Variants in PCM1 observed in about 807,000 individuals in gnomAD.
The protein encoded by PCM1 is pericentriolar material 1 protein.
PCM1 carries 157 observed loss-of-function variants against 241.9 expected under a neutral mutation model. That is an observed-to-expected ratio of 0.65 (90% CI 0.57 to 0.74). The LOEUF (loss-of-function observed/expected upper bound fraction) is 0.74, where lower values mean the gene tolerates loss of function less well. Among genes scored for constraint, PCM1 ranks in the 30% least tolerant of loss-of-function variants. The pLI, the probability that PCM1 is intolerant of heterozygous loss-of-function variation, is 0.00. For missense variants in PCM1, 3,478 were observed against 2,360.1 expected, an observed-to-expected ratio of 1.47 and a Z score of -9.81; for synonymous variants, 1,085 against 784.9, an observed-to-expected ratio of 1.38 and a Z score of -6.39.
intron 21 of PCM1, among the ~76,000 whole-genome samples, chr8:17,968,732 G>GTA (rs1168790649): frequency 1.4e-3 from 135 of 97,056 alleles, no homozygotes; most frequent in African/African-American, 4.7e-3. Context: ...ATGTATATAT[G>GTA]TGTGTGTGTG....
intron 34 of PCM1, among the ~76,000 whole-genome samples, chr8:18,013,168 T>C (rs1053431307): frequency 6.6e-6 from 1 of 152,100 alleles, no homozygotes; most frequent in Non-Finnish European, 1.5e-5. Flanking sequence ...CTGCCTGGAG[T>C]GTATGAGCTT....
intron 2 of PCM1, among the ~76,000 whole-genome samples, chr8:17,931,128 C>T (rs1181276764): frequency 6.6e-6 from 1 of 152,026 alleles, no homozygotes; most frequent in African/African-American, 2.4e-5. Flanking sequence ...ATCTGTTTTT[C>T]CCAAACTAAT....
chr8:17,924,059 G>C (rs961651897), intron 1 of PCM1, among the ~76,000 whole-genome samples: 1 of 151,828 alleles, frequency 6.6e-6, no homozygotes, highest in Non-Finnish European at 1.5e-5. Flanking sequence ...GTGACGGTTC[G>C]TGTTTGGGCG....
At position 17,991,046 on chromosome 8, in the gene PCM1, A is replaced by T. The variant is rs971374073; in HGVS notation, c.4532-496A>T. 1.2e-3 allele frequency among the ~76,000 whole-genome samples: 180 copies of T among 144,806 alleles called. 4 individuals carry two copies. In the East Asian group the frequency reaches 0.028, roughly 22 times the overall value. 95.0% of individuals were successfully genotyped at this position (144,806 alleles called of 152,430 possible). ...TACGTATTTTCTTTCATTTACTGGT[A>T]TTTTTTTTTTTTTCTTACAAACCTG... On this transcript the variant is annotated intron_variant, in intron 27 of 38. Coordinates refer to ENST00000325083, the MANE Select transcript of PCM1 (RefSeq NM_006197.4).
intron 20 of PCM1, 74 bp from the exon 21 acceptor site, chr8:17,966,906 G>T: frequency 7.5e-7 from 1 of 1,329,522 alleles, no homozygotes; most frequent in South Asian, 1.4e-5. Context: ...TTTTTTACAT[G>T]TATTCTTCCT....
intron 8 of PCM1, among the ~76,000 whole-genome samples, chr8:17,951,612 A>G (rs1238357036): frequency 1.3e-5 from 2 of 152,334 alleles, no homozygotes; most frequent in Middle Eastern, 3.4e-3. Context: ...ACAAAATTCA[A>G]GTTTAAGAAG....
Position 17,964,788 on chromosome 8 carries a change from T to C in PCM1, c.2855+20T>C. On this transcript the variant is annotated intron_variant, in intron 18 of 38. Transcript: ENST00000325083. ...AAATAGGTTAGTTTCAGTATTTTAA[T>C]TTTGTGCTTAATTTAAGAGGCTCAG... is the stretch of plus-strand genomic sequence containing the variant. 1 of 1,587,258 alleles carries C rather than the reference T, an allele frequency of 6.3e-7. No individual in the cohort carries two copies. Among genetic ancestry groups the C allele is most frequent in the Non-Finnish European group, 8.6e-7 (1 of 1,156,158 alleles).
chr8:18,024,200 C>G (rs901254514), intron 36 of PCM1, among the ~76,000 whole-genome samples: 3 of 152,232 alleles, frequency 2.0e-5, no homozygotes, highest in South Asian at 2.1e-4. Context: ...GACCCTGTCT[C>G]TACAAAAAAT....
At chr8:17,957,167 C>T in intron 11 of PCM1, 97 bp from the exon 12 acceptor site, 1 of 913,074 alleles carries the variant, frequency 1.1e-6, no homozygotes, top group Admixed American at 2.6e-5. Context: ...CAACAATGTG[C>T]TTGGTTTGGT....
At chr8:17,998,174 G>A (rs2087685624) in intron 29 of PCM1, among the ~76,000 whole-genome samples, 1 of 152,074 alleles carries the variant, frequency 6.6e-6, no homozygotes, top group South Asian at 2.1e-4. Context: ...TGCCTTATTT[G>A]GTCCCTTTGT....
chr8:17,940,216 G>A, intron 6 of PCM1: 3 of 887,784 alleles, frequency 3.4e-6, no homozygotes, highest in Non-Finnish European at 5.3e-6. Context: ...TTTTCTCCCA[G>A]TTTTCAAGAT....
At chr8:17,930,926 C>T (rs11990384) in intron 2 of PCM1, among the ~76,000 whole-genome samples, 20,848 of 151,890 alleles carry the variant, frequency 0.14, 1,656 homozygotes, top group East Asian at 0.37. Flanking sequence ...TCTTTAGCTT[C>T]ATACTAATAG....
In PCM1 at chr8:17,991,636, C is replaced by T. The variant is rs1446607133; in HGVS notation, c.4626C>T (p.Cys1542=). Residue 1542 remains cysteine (C), a synonymous_variant, in exon 28 of 39, where the codon TGC becomes TGT. Transcript: ENST00000325083. ...TEAESNSNMR[C]TCRIIEDGDG... The stretch of plus-strand genomic sequence containing the variant: ...CTGAAAGTAACTCAAATATGAGATG[C>T]ACCTGCAGGATTATTGAGGATGGAG... 1.3e-6 allele frequency: 2 copies of T among 1,573,558 alleles called. No homozygotes were observed. Among genetic ancestry groups the T allele is most frequent in the East Asian group, 2.3e-5 (1 of 43,200 alleles).
chr8:17,926,107 T>TTGCTGTATGGTGGG (rs1274541169), intron 2 of PCM1: 26 of 152,144 alleles, frequency 1.7e-4, no homozygotes, highest in Admixed American at 1.7e-3. Context: ...ACTACAGTGA[T>TTGCTGTATGGTGGG]TGCTGTATGG....
intron 24 of PCM1, among the ~76,000 whole-genome samples, chr8:17,984,604 A>G (rs532319608): frequency 8.5e-5 from 13 of 152,068 alleles, no homozygotes; most frequent in African/African-American, 2.9e-4. Context: ...AAATTTTTCT[A>G]TTAGAGCACA....
At chr8:17,948,505 A>T (rs1248589413) in intron 7 of PCM1, among the ~76,000 whole-genome samples, 1 of 151,834 alleles carries the variant, frequency 6.6e-6, no homozygotes, top group East Asian at 1.9e-4. Context: ...GGGTTTCACC[A>T]TATTGGTCAG....
intron 18 of PCM1, 138 bp from the exon 19 acceptor site, chr8:17,965,861 A>G: frequency 1.7e-6 from 1 of 589,954 alleles, no homozygotes; most frequent in Non-Finnish European, 3.0e-6. Flanking sequence ...TCCCCCCTCT[A>G]TATTTTTTAA....
At chr8:17,968,660 T>C (rs535872763) in intron 21 of PCM1, among the ~76,000 whole-genome samples, 7 of 151,964 alleles carry the variant, frequency 4.6e-5, no homozygotes, top group Admixed American at 2.6e-4. Context: ...AATATATATG[T>C]ACTCAATACT....
intron 21 of PCM1, among the ~76,000 whole-genome samples, chr8:17,968,369 G>A (rs2075683810): frequency 6.6e-6 from 1 of 152,234 alleles, no homozygotes; most frequent in Non-Finnish European, 1.5e-5. Context: ...AGATTACACT[G>A]GTGAAAGTGT....
Sources: allele counts gnomAD v4.1 joint callset (sites outside exome capture counted in the v4.1 genomes callset), GRCh38; gene constraint gnomAD v4.1.1; transcripts MANE v1.5; gene names NCBI Gene and HGNC (gene_info 2026-07-23, HGNC 2026-07-21).